TGFBR3: variants seen among roughly 807,000 people sequenced by gnomAD.
TGFBR3 encodes transforming growth factor beta receptor 3, also known as transforming growth factor beta receptor type 3.
TGFBR3 carries 46 observed loss-of-function variants against 87.9 expected under a neutral mutation model. The ratio of observed to expected loss-of-function variants is 0.52; its 90% confidence interval spans 0.41 to 0.67. TGFBR3 has a LOEUF of 0.67. Ranked by LOEUF, TGFBR3 falls within the 30% of genes least tolerant of loss-of-function variation. TGFBR3 has a pLI of 0.00. For synonymous variants in TGFBR3, 381 were observed against 391.6 expected, an observed-to-expected ratio of 0.97 and a Z score of 0.32; for missense variants, 866 against 1,041.9, an observed-to-expected ratio of 0.83 and a Z score of 2.32.
intron 2 of TGFBR3, among the ~76,000 whole-genome samples, chr1:91,852,377 C>G (rs1329789665): frequency 6.6e-6 from 1 of 152,176 alleles, no homozygotes; most frequent in African/African-American, 2.4e-5. Flanking sequence ...CCTCAACTCC[C>G]GTGTGTGTGT....
intron 1 of TGFBR3, among the ~76,000 whole-genome samples, chr1:91,882,063 T>TAAATAATA (rs1557760726): frequency 8.4e-4 from 42 of 50,060 alleles, no homozygotes; most frequent in South Asian, 3.0e-3. Flanking sequence ...AAATAAATAA[T>TAAATAATA]AAAAAAATAC....
chr1:91,710,361 G>T lies in TGFBR3; in HGVS notation c.2167-1578C>A, dbSNP rs376382936. ...TGGAGAGGCATGATGACTGAAAAGA[G>T]TTGCATTTTGCTTTCCTGTTTTAGT... On this transcript the variant is annotated intron_variant, in intron 13 of 16. Transcript: ENST00000212355. 1.2e-4 allele frequency among the ~76,000 whole-genome samples: 19 copies of T among 152,284 alleles called. No homozygotes were observed. In the East Asian group the frequency reaches 2.7e-3, roughly 22 times the overall value.
In TGFBR3 at chr1:91,771,427, G is replaced by A. The variant is rs952895772; in HGVS notation, c.247-12677C>T. 1.4e-4 allele frequency among the ~76,000 whole-genome samples: 22 copies of A among 152,094 alleles called. No homozygotes were observed. The East Asian group carries it at 2.7e-3, about 19-fold the overall frequency. On this transcript the variant is annotated intron_variant, in intron 3 of 16. Transcript: ENST00000212355. The stretch of plus-strand genomic sequence containing the variant: ...GATTTAAGAAAAAATATTATGGGCC[G>A]GACACGGTGGCTCACGTCTGTAATC...
intron 3 of TGFBR3, among the ~76,000 whole-genome samples, chr1:91,760,028 C>T (rs572853627): frequency 6.6e-6 from 1 of 152,206 alleles, no homozygotes; most frequent in Non-Finnish European, 1.5e-5. Flanking sequence ...ATAAATAAAA[C>T]AGTAAACTTT....
intron 2 of TGFBR3, among the ~76,000 whole-genome samples, chr1:91,859,828 G>A (rs900626680): frequency 4.0e-5 from 6 of 149,488 alleles, no homozygotes; most frequent in African/African-American, 1.5e-4. Flanking sequence ...AGAATCGCTT[G>A]AACCCAGGAG....
At chr1:91,758,983 A>C (rs908913073) in intron 3 of TGFBR3, among the ~76,000 whole-genome samples, 8 of 152,182 alleles carry the variant, frequency 5.3e-5, no homozygotes, top group Admixed American at 2.0e-4. Context: ...ACTAATCTCA[A>C]CCAAAGCATG....
intron 2 of TGFBR3, among the ~76,000 whole-genome samples, chr1:91,828,490 C>T (rs1676727695): frequency 6.6e-6 from 1 of 152,190 alleles, no homozygotes; most frequent in African/African-American, 2.4e-5. Flanking sequence ...GACTTAAATC[C>T]TTAGTTAAAG....
chr1:91,800,363 A>C (rs1186199402), intron 2 of TGFBR3, among the ~76,000 whole-genome samples: 1 of 139,050 alleles, frequency 7.2e-6, no homozygotes, highest in East Asian at 2.5e-4. Context: ...TGTATATAAA[A>C]GCAGTTGTGG....
At chr1:91,694,252 CAAAATGCTAGGATTATGAGA>C (rs1671357952) in intron 16 of TGFBR3, among the ~76,000 whole-genome samples, 1 of 152,176 alleles carries the variant, frequency 6.6e-6, no homozygotes, top group Non-Finnish European at 1.5e-5. Context: ...CCCTGCCTCC[CAAAATGCTAGGATTATGAGA>C]AGTCATTTTT....
intron 2 of TGFBR3, among the ~76,000 whole-genome samples, chr1:91,828,941 G>A (rs140982870): frequency 9.3e-4 from 141 of 152,280 alleles, no homozygotes; most frequent in Non-Finnish European, 1.2e-3. Flanking sequence ...TTATACGTAC[G>A]TGAAGGAGTC....
chr1:91,729,704 G>C, intron 6 of TGFBR3, 101 bp downstream of exon 6: 1 of 1,376,278 alleles, frequency 7.3e-7, no homozygotes, highest in Admixed American at 1.7e-5. Context: ...TCCCTCCTGC[G>C]TAGGGGAGGG....
At chr1:91,776,641 G>T (rs957470633) in intron 3 of TGFBR3, among the ~76,000 whole-genome samples, 2 of 152,090 alleles carry the variant, frequency 1.3e-5, no homozygotes, top group African/African-American at 4.8e-5. Flanking sequence ...TTTGACTTTG[G>T]CTCTGATCAG....
intron 4 of TGFBR3, among the ~76,000 whole-genome samples, chr1:91,749,121 C>A (rs191046556): frequency 6.6e-6 from 1 of 152,086 alleles, no homozygotes; most frequent in Non-Finnish European, 1.5e-5. Context: ...GATATAAAAA[C>A]CCTGTTTTAA....
At chr1:91,788,411 A>G (rs1675055471) in intron 3 of TGFBR3, among the ~76,000 whole-genome samples, 1 of 152,202 alleles carries the variant, frequency 6.6e-6, no homozygotes, top group Admixed American at 6.5e-5. Flanking sequence ...GAAAAGAGAA[A>G]TAAGCTGACC....
intron 2 of TGFBR3, among the ~76,000 whole-genome samples, chr1:91,839,553 A>G (rs1359933323): frequency 6.6e-6 from 1 of 152,190 alleles, no homozygotes; most frequent in Admixed American, 6.5e-5. Context: ...CTATCAACAT[A>G]ACATATCCTC....
chr1:91,898,905 A>G (rs1679617228), intron 2 of TGFBR3, among the ~76,000 whole-genome samples: 1 of 152,182 alleles, frequency 6.6e-6, no homozygotes, highest in African/African-American at 2.4e-5. Flanking sequence ...TATCCCTTGC[A>G]TTACTATACT....
chr1:91,727,467 G>A lies in TGFBR3; in HGVS notation c.885+192C>T, dbSNP rs17880750. Among the ~76,000 whole-genome samples, 447 of 152,286 alleles carry A rather than the reference G, an allele frequency of 2.9e-3. 1 individual carries two copies. The highest frequency in any genetic ancestry group is 0.01 in the African/African-American group (423 of 41,556). On this transcript the variant is annotated intron_variant, in intron 7 of 16. Coordinates refer to ENST00000212355, the MANE Select transcript of TGFBR3 (RefSeq NM_003243.5). ...ATTACCTGGACTCAGACCTGGGTCC[G>A]TCTTAATCCAAGGCCATGTTTGAAC...
At chr1:91,781,006 G>A (rs1674749371) in intron 3 of TGFBR3, among the ~76,000 whole-genome samples, 1 of 151,986 alleles carries the variant, frequency 6.6e-6, no homozygotes, top group Non-Finnish European at 1.5e-5. Context: ...ATGAACTGAT[G>A]TGTGAACAGT....
At chr1:91,858,893 CA>C (rs1174843831) in intron 2 of TGFBR3, among the ~76,000 whole-genome samples, 1 of 151,372 alleles carries the variant, frequency 6.6e-6, no homozygotes, top group East Asian at 2.0e-4. Flanking sequence ...CCATCTCTAC[CA>C]AAAATACAAA....
Sources: allele counts gnomAD v4.1 joint callset (sites outside exome capture counted in the v4.1 genomes callset), GRCh38; gene constraint gnomAD v4.1.1; transcripts MANE v1.5; gene names NCBI Gene and HGNC (gene_info 2026-07-23, HGNC 2026-07-21).